Variants in GNAO1 observed in about 807,000 individuals in gnomAD.
GNAO1 encodes guanine nucleotide-binding protein G(o) subunit alpha.
For missense variants in GNAO1, 166 were observed against 478.7 expected (o/e 0.35, Z 6.10); for synonymous variants, 164 against 180.7 (o/e 0.91, Z 0.74).
intron 2 of GNAO1, among the ~76,000 whole-genome samples, chr16:56,230,736 C>T (rs150683475): frequency 5.3e-5 from 8 of 152,254 alleles, no homozygotes; most frequent in East Asian, 1.9e-4. Flanking sequence ...TCCATTGACT[C>T]GCGATAAGGT....
At chr16:56,339,001 T>G (rs2037770977) in intron 6 of GNAO1, among the ~76,000 whole-genome samples, 1 of 152,268 alleles carries the variant, frequency 6.6e-6, no homozygotes, top group South Asian at 2.1e-4. Flanking sequence ...AGGCAGGCTC[T>G]TCCTGTGTCC....
At chr16:56,344,806 GT>G in intron 6 of GNAO1, 2 of 985,450 alleles carry the variant, frequency 2.0e-6, no homozygotes, top group Non-Finnish European at 2.4e-6. Flanking sequence ...GAATAGATAT[GT>G]TTTTCCTTCA....
At chr16:56,251,817 T>G (rs2036802359) in intron 2 of GNAO1, among the ~76,000 whole-genome samples, 1 of 152,178 alleles carries the variant, frequency 6.6e-6, no homozygotes, top group Non-Finnish European at 1.5e-5. Context: ...CCTCTCACTC[T>G]GCACTCCAGC....
chr16:56,264,066 G>A (rs763699510), intron 2 of GNAO1, among the ~76,000 whole-genome samples: 33 of 152,244 alleles, frequency 2.2e-4, no homozygotes, highest in Non-Finnish European at 4.6e-4. Flanking sequence ...CCAAGAGGAG[G>A]CCGACAGAGC....
intron 3 of GNAO1, among the ~76,000 whole-genome samples, chr16:56,315,598 A>T (rs2037500080): frequency 1.3e-5 from 2 of 152,118 alleles, no homozygotes; most frequent in Admixed American, 1.3e-4. Context: ...GGGCACCAAG[A>T]CAAAGAGGCA....
At chr16:56,278,633 C>T (rs1217702129) in intron 3 of GNAO1, among the ~76,000 whole-genome samples, 1 of 152,160 alleles carries the variant, frequency 6.6e-6, no homozygotes, top group East Asian at 1.9e-4. Context: ...TCTAGCAGTA[C>T]AGGCAGCAAA....
At position 56,351,705 on chromosome 16, in the gene GNAO1, G is replaced by T. The variant is rs1278267997; in HGVS notation, c.877+168G>T. Among the ~76,000 whole-genome samples the T allele has an allele frequency of 6.6e-6, 1 of 152,190 alleles. No homozygotes were observed. The highest frequency in any genetic ancestry group is 2.4e-5 in the African/African-American group (1 of 41,452). ...AAACAGTGCTGTGCCACCAGGTTTG[G>T]GCTTCCCAGGACACAGCCCTCAGCG... On this transcript the variant is annotated intron_variant, in intron 7 of 8. Coordinates refer to ENST00000262493, the MANE Select transcript of GNAO1 (RefSeq NM_020988.3). The surrounding 1 kb of genome is among the most constrained non-coding windows in gnomAD (Gnocchi z 6.1).
chr16:56,234,487 G>A (rs1044711666), intron 2 of GNAO1, among the ~76,000 whole-genome samples: 3 of 152,232 alleles, frequency 2.0e-5, no homozygotes, highest in Non-Finnish European at 4.4e-5. Context: ...CTGTGATTCA[G>A]CCAGGCCTGC....
rs115633682 is a variant in GNAO1, at chr16:56,245,837, T to C, written c.162-30094T>C. On this transcript the variant is annotated intron_variant, in intron 2 of 8. Coordinates refer to ENST00000262493, the MANE Select transcript of GNAO1 (RefSeq NM_020988.3). ...GAGACACAGTACCAAGTCTGGAGGG[T>C]AGACTTATAAAAATTGTGAAAAGTG... 4.9e-3 allele frequency among the ~76,000 whole-genome samples: 744 copies of C among 152,112 alleles called. 6 individuals are homozygous for C. Among genetic ancestry groups the C allele is most frequent in the African/African-American group, 0.017 (719 of 41,490 alleles).
At chr16:56,286,479 TC>T (rs2037169653) in intron 3 of GNAO1, among the ~76,000 whole-genome samples, 1 of 152,038 alleles carries the variant, frequency 6.6e-6, no homozygotes, top group Non-Finnish European at 1.5e-5. Context: ...GTCCCTGGCT[TC>T]CCCCATCTCT....
At chr16:56,208,612 G>A (rs1229708778) in intron 2 of GNAO1, among the ~76,000 whole-genome samples, 1 of 152,116 alleles carries the variant, frequency 6.6e-6, no homozygotes, top group Non-Finnish European at 1.5e-5. Context: ...AAGAATTTCT[G>A]TTATTATAAA....
At chr16:56,231,846 C>T (rs537074589) in intron 2 of GNAO1, among the ~76,000 whole-genome samples, 1 of 152,208 alleles carries the variant, frequency 6.6e-6, no homozygotes, top group Non-Finnish European at 1.5e-5. Flanking sequence ...ATTCTCTCCA[C>T]CTGGCAGGAT....
rs1388436796 is a variant in GNAO1 at position 56,356,380 on chromosome 16, C to T, written c.*306C>T. The T allele has an allele frequency of 6.6e-6, 1 of 152,600 alleles. No individual in the cohort carries two copies. Among genetic ancestry groups the T allele is most frequent in the Non-Finnish European group, 1.5e-5 (1 of 68,034 alleles). 9.5% of individuals were successfully genotyped at this position (152,600 alleles called of 1,614,324 possible). A position where few individuals can be genotyped will look rare whatever the true frequency, so the allele number is the denominator to read the frequency against. ...ATCCATATTTCTTTTTCTTGCAAAACAAACATACCCATCTGCACCGACGCC... is the reference window on the plus strand; with the variant it reads ...ATCCATATTTCTTTTTCTTGCAAAATAAACATACCCATCTGCACCGACGCC... On this transcript the variant is annotated 3_prime_UTR_variant, in exon 9 of 9. Transcript: ENST00000262493.
At chr16:56,283,818 A>T (rs1952484936) in intron 3 of GNAO1, among the ~76,000 whole-genome samples, 1 of 152,208 alleles carries the variant, frequency 6.6e-6, no homozygotes, top group Non-Finnish European at 1.5e-5. Flanking sequence ...CAACAGCCCC[A>T]GAGCCTGCCC....
At chr16:56,348,489 G>T (rs576847590) in intron 6 of GNAO1, among the ~76,000 whole-genome samples, 1 of 152,394 alleles carries the variant, frequency 6.6e-6, no homozygotes, top group African/African-American at 2.4e-5. Flanking sequence ...GGCCATGGTT[G>T]CGCTGGCACT....
At chr16:56,346,155 G>A (rs1379741977) in intron 6 of GNAO1, 2 of 985,462 alleles carry the variant, frequency 2.0e-6, no homozygotes, top group African/African-American at 3.5e-5. Context: ...GCCTGGGGGT[G>A]GTCCTTGGTC....
intron 2 of GNAO1, among the ~76,000 whole-genome samples, chr16:56,245,877 T>C (rs1043259952): frequency 6.6e-6 from 1 of 152,068 alleles, no homozygotes. Context: ...GAAAGGAAAA[T>C]GCAGGCCTTT....
chr16:56,243,352 T>G (rs1159371090), intron 2 of GNAO1, among the ~76,000 whole-genome samples: 1 of 152,132 alleles, frequency 6.6e-6, no homozygotes, highest in African/African-American at 2.4e-5. Context: ...GGACTGCTGC[T>G]TTAGAGGATA....
chr16:56,319,636 A>G (rs566272549), intron 3 of GNAO1, among the ~76,000 whole-genome samples: 13 of 152,280 alleles, frequency 8.5e-5, no homozygotes, highest in Admixed American at 2.0e-4. Flanking sequence ...CGCCAGCAGC[A>G]CATGTCCTCG....
Sources: allele counts gnomAD v4.1 joint callset (sites outside exome capture counted in the v4.1 genomes callset), GRCh38; gene constraint gnomAD v4.1.1; non-coding constraint Gnocchi (gnomAD v3.1); transcripts MANE v1.5; gene names NCBI Gene and HGNC (gene_info 2026-07-23, HGNC 2026-07-21).